ISM1: variants seen among roughly 807,000 people sequenced by gnomAD.
ISM1 encodes isthmin-1.
ISM1 carries 25 observed loss-of-function variants against 46.3 expected under a neutral mutation model. The observed-to-expected ratio is 0.54, with a 90% confidence interval of 0.39 to 0.75. The LOEUF is 0.75. Ranked by LOEUF, ISM1 falls within the 30% of genes least tolerant of loss-of-function variation. The pLI is 0.00. For synonymous variants in ISM1, 255 were observed against 256.7 expected, an observed-to-expected ratio of 0.99 and a Z score of 0.06; for missense variants, 536 against 625.4, an observed-to-expected ratio of 0.86 and a Z score of 1.52.
At chr20:13,308,142 C>T in the ISM1 span, among the ~76,000 whole-genome samples, 3 of 152,158 alleles carry the variant, frequency 2.0e-5, no homozygotes, top group South Asian at 2.1e-4. Flanking sequence ...TAACTCAATA[C>T]GTGCATACTG....
At chr20:13,322,422 C>G in the ISM1 span, among the ~76,000 whole-genome samples, 1 of 152,190 alleles carries the variant, frequency 6.6e-6, no homozygotes, top group Non-Finnish European at 1.5e-5. Flanking sequence ...TTCCACCTGC[C>G]AACTCGCTTG....
At chr20:13,293,085 A>G (rs1054483306) in intron 5 of ISM1, among the ~76,000 whole-genome samples, 3 of 151,986 alleles carry the variant, frequency 2.0e-5, no homozygotes, top group Admixed American at 2.0e-4. Flanking sequence ...CTGTAGTCCC[A>G]GCTACTCGGG....
At chr20:13,228,220 G>T (rs749501717) in intron 1 of ISM1, among the ~76,000 whole-genome samples, 1 of 151,756 alleles carries the variant, frequency 6.6e-6, no homozygotes, top group Non-Finnish European at 1.5e-5. Context: ...TGATCTGCCC[G>T]TCCTGGCCTC....
chr20:13,230,599 T>C (rs911784213), intron 1 of ISM1, among the ~76,000 whole-genome samples: 3 of 152,136 alleles, frequency 2.0e-5, no homozygotes, highest in Non-Finnish European at 4.4e-5. Flanking sequence ...TGAAGCCCCT[T>C]AGGTCCTCAA....
In ISM1 at chr20:13,298,931, G is replaced by C. The variant is rs752638397; in HGVS notation, c.878-11G>C. 6.2e-7 allele frequency: 1 copy of C among 1,611,502 alleles called. No individual in the cohort carries two copies. ...CACGCGGTGAGAGGGTTTCTCTTTG[G>C]CCTTTTCCAGACACAGACAGCTGTG... On this transcript the variant is annotated splice_polypyrimidine_tract_variant and intron_variant, in intron 5 of 5. Transcript: ENST00000262487.
intron 1 of ISM1, among the ~76,000 whole-genome samples, chr20:13,224,991 G>A (rs1475001899): frequency 7.3e-5 from 11 of 150,570 alleles, no homozygotes; most frequent in Non-Finnish European, 1.2e-4. Context: ...GACTACAGGC[G>A]CCTGCCACCA....
At chr20:13,246,635 A>G (rs1288768160) in intron 1 of ISM1, among the ~76,000 whole-genome samples, 2 of 152,228 alleles carry the variant, frequency 1.3e-5, no homozygotes, top group African/African-American at 2.4e-5. Context: ...GAAACCTGAG[A>G]CCCGGAAAGT....
the ISM1 span, among the ~76,000 whole-genome samples, chr20:13,306,458 T>C: frequency 6.6e-6 from 1 of 150,714 alleles, no homozygotes; most frequent in Admixed American, 6.6e-5. Context: ...TGTCTAGTTA[T>C]ACCCTTCTTT....
intron 1 of ISM1, among the ~76,000 whole-genome samples, chr20:13,254,411 C>T (rs554933280): frequency 6.6e-6 from 1 of 152,160 alleles, no homozygotes; most frequent in Non-Finnish European, 1.5e-5. Context: ...CAAGCAGATT[C>T]AGAAAATGTT....
At chr20:13,276,296 G>A (rs867736202) in intron 2 of ISM1, among the ~76,000 whole-genome samples, 7 of 152,312 alleles carry the variant, frequency 4.6e-5, no homozygotes, top group East Asian at 1.9e-4. Context: ...TCTCAGTGGC[G>A]TTGGTTTATT....
chr20:13,256,471 C>A (rs2039931184), intron 1 of ISM1, among the ~76,000 whole-genome samples: 1 of 149,748 alleles, frequency 6.7e-6, no homozygotes, highest in Non-Finnish European at 1.5e-5. Context: ...CAAAACCCAT[C>A]TTGTGCCCTG....
At chr20:13,252,189 G>A (rs75332208) in intron 1 of ISM1, among the ~76,000 whole-genome samples, 6,171 of 152,276 alleles carry the variant, frequency 0.041, 188 homozygotes, top group African/African-American at 0.079. Flanking sequence ...CCCTGGAAGA[G>A]CAACGAGCAA....
At chr20:13,281,129 C>T (rs776574102) in intron 3 of ISM1, among the ~76,000 whole-genome samples, 2 of 152,182 alleles carry the variant, frequency 1.3e-5, no homozygotes, top group African/African-American at 2.4e-5. Context: ...ATCAGTTGTT[C>T]AACCAACATT....
At chr20:13,252,411 A>G (rs1221023644) in intron 1 of ISM1, among the ~76,000 whole-genome samples, 1 of 152,152 alleles carries the variant, frequency 6.6e-6, no homozygotes, top group Non-Finnish European at 1.5e-5. Context: ...TGATGGGTTC[A>G]TCGTGGGGAG....
At chr20:13,288,759 TG>T (rs2040321202) in intron 4 of ISM1, 76 bp downstream of exon 4, 1 of 1,435,808 alleles carries the variant, frequency 7.0e-7, no homozygotes, top group East Asian at 2.3e-5. Flanking sequence ...TTAGTGACAT[TG>T]TCTTTTTAAA....
In ISM1 at chr20:13,274,348, C is replaced by T. The variant is rs556869678; in HGVS notation, c.378+3605C>T. 1.4e-4 allele frequency among the ~76,000 whole-genome samples: 22 copies of T among 152,286 alleles called. No individual in the cohort carries two copies. The East Asian group carries it at 2.7e-3, about 19-fold the overall frequency. ...GGTCCCTGACGGTCCCTGCCGGCCC[C>T]GTCAAAGCATTCCCTCTCCCTGGGT... On this transcript the variant is annotated intron_variant, in intron 2 of 5. Transcript: ENST00000262487.
chr20:13,305,687 C>G, the ISM1 span, among the ~76,000 whole-genome samples: 3 of 152,114 alleles, frequency 2.0e-5, no homozygotes, highest in African/African-American at 7.2e-5. Context: ...AGTTGTTTTT[C>G]TGAGGCTTAG....
the ISM1 span, among the ~76,000 whole-genome samples, chr20:13,311,219 T>TAGATAGATAGATAGATAGAC: frequency 5.6e-5 from 6 of 107,124 alleles, no homozygotes; most frequent in Non-Finnish European, 1.2e-4. Flanking sequence ...AGATAGATGA[T>TAGATAGATAGATAGATAGAC]AGATAGATAG....
intron 1 of ISM1, among the ~76,000 whole-genome samples, chr20:13,269,846 G>C (rs1453711111): frequency 6.6e-6 from 1 of 151,976 alleles, no homozygotes; most frequent in Non-Finnish European, 1.5e-5. Context: ...CAAAATAATA[G>C]GTCTCATGTC....
Sources: gnomAD v4.1 joint callset for allele counts (sites outside exome capture counted in the v4.1 genomes callset) on GRCh38, gnomAD v4.1.1 for gene constraint, MANE v1.5 for transcripts, NCBI Gene and HGNC (gene_info 2026-07-23, HGNC 2026-07-21) for gene names.